The following PLXNA4 variants were observed in gnomAD, a reference collection of about 807,000 sequenced individuals.
PLXNA4 encodes the protein plexin A4, also known as plexin-A4.
In PLXNA4, 44 loss-of-function variants were observed where a neutral mutation model predicts 191.8. The ratio of observed to expected loss-of-function variants is 0.23; its 90% CI spans 0.18 to 0.29. The LOEUF (loss-of-function observed/expected upper bound fraction) is 0.29, where lower values mean the gene tolerates loss of function less well. Ranked by LOEUF, PLXNA4 falls within the 10% of genes least tolerant of loss-of-function variation. PLXNA4 has a pLI of 1.00. For missense variants in PLXNA4, 1,800 were observed against 2,488.8 expected, an observed-to-expected ratio of 0.72 and a Z score of 5.89; for synonymous variants, 1,082 against 1,009.5, an observed-to-expected ratio of 1.07 and a Z score of -1.36.
At chr7:132,317,919 C>T (rs1802009269) in intron 3 of PLXNA4, among the ~76,000 whole-genome samples, 2 of 152,190 alleles carry the variant, frequency 1.3e-5, no homozygotes, top group Admixed American at 1.3e-4. Context: ...AAGAGCCAGG[C>T]AGAGCAAGGG....
intron 3 of PLXNA4, among the ~76,000 whole-genome samples, chr7:132,299,910 C>T (rs1057294030): frequency 1.3e-5 from 2 of 152,086 alleles, no homozygotes; most frequent in Admixed American, 6.5e-5. Context: ...AATGAACTTG[C>T]GGCTCAAAGA....
chr7:132,149,198 C>T (rs531606348), intron 25 of PLXNA4, among the ~76,000 whole-genome samples: 33 of 152,246 alleles, frequency 2.2e-4, no homozygotes, highest in African/African-American at 7.7e-4. Flanking sequence ...CAGCAAAACC[C>T]ATTCTCACGC....
chr7:132,229,271 T>C (rs1798442185), intron 5 of PLXNA4, among the ~76,000 whole-genome samples: 1 of 152,202 alleles, frequency 6.6e-6, no homozygotes, highest in Non-Finnish European at 1.5e-5. Flanking sequence ...CTGTGCTGTG[T>C]AAAGTGTATG....
chr7:132,362,573 A>G (rs1052547299), intron 3 of PLXNA4, among the ~76,000 whole-genome samples: 15 of 152,306 alleles, frequency 9.8e-5, no homozygotes, highest in African/African-American at 3.4e-4. Context: ...AAGAATGACT[A>G]TGGGGTTGAA....
intron 3 of PLXNA4, among the ~76,000 whole-genome samples, chr7:132,407,344 G>A (rs1794263425): frequency 6.6e-6 from 1 of 152,210 alleles, no homozygotes; most frequent in Non-Finnish European, 1.5e-5. Flanking sequence ...TCACAGAGAG[G>A]TGTGTGGCAC....
intron 3 of PLXNA4, among the ~76,000 whole-genome samples, chr7:132,391,593 C>T (rs185649473): frequency 1.3e-5 from 2 of 151,054 alleles, no homozygotes; most frequent in Non-Finnish European, 3.0e-5. Context: ...GAGAAGTGAT[C>T]TTAGGTAAAG....
intron 1 of PLXNA4, among the ~76,000 whole-genome samples, chr7:132,546,878 A>G (rs1295280677): frequency 6.6e-6 from 1 of 152,210 alleles, no homozygotes; most frequent in Non-Finnish European, 1.5e-5. Context: ...AACAAGGCTT[A>G]GGAATCATGG....
At chr7:132,596,716 T>G (rs1455610762) in intron 2 of PLXNA4, among the ~76,000 whole-genome samples, 1 of 151,836 alleles carries the variant, frequency 6.6e-6, no homozygotes, top group African/African-American at 2.4e-5. Context: ...ATTTTAGGGG[T>G]AGGAAGAAGG....
intron 2 of PLXNA4, among the ~76,000 whole-genome samples, chr7:132,622,974 C>T (rs1038165628): frequency 6.6e-6 from 1 of 152,136 alleles, no homozygotes; most frequent in African/African-American, 2.4e-5. Context: ...TTTGTGCAGG[C>T]TATTGTTCCA....
At chr7:132,172,853 A>G (rs1252253746) in intron 21 of PLXNA4, among the ~76,000 whole-genome samples, 1 of 152,204 alleles carries the variant, frequency 6.6e-6, no homozygotes, top group Non-Finnish European at 1.5e-5. Context: ...GAATAACTTT[A>G]TATACTCATC....
chr7:132,509,160 AGAGG>A (rs530262352), intron 1 of PLXNA4, among the ~76,000 whole-genome samples: 4,194 of 124,076 alleles, frequency 0.034, 248 homozygotes, highest in African/African-American at 0.12. Context: ...CTGGAGGAGA[AGAGG>A]GAGGGAGGGA....
At chr7:132,321,596 ATG>A (rs1183848329) in intron 3 of PLXNA4, among the ~76,000 whole-genome samples, 2 of 152,170 alleles carry the variant, frequency 1.3e-5, no homozygotes, top group African/African-American at 4.8e-5. Flanking sequence ...TTGGTGCACC[ATG>A]TGTGTTTGCC....
chr7:132,186,534 T>C (rs1796883426), intron 15 of PLXNA4, among the ~76,000 whole-genome samples: 1 of 152,056 alleles, frequency 6.6e-6, no homozygotes, highest in South Asian at 2.1e-4. Flanking sequence ...TGAGCCCAAA[T>C]CCTCTCCCAA....
At chr7:132,620,999 G>T (rs1233144829) in intron 2 of PLXNA4, among the ~76,000 whole-genome samples, 1 of 152,034 alleles carries the variant, frequency 6.6e-6, no homozygotes, top group Non-Finnish European at 1.5e-5. Flanking sequence ...TCTCTCTCAT[G>T]TCTTTTCTTA....
At chr7:132,201,396 A>T (rs1293064476) in intron 12 of PLXNA4, among the ~76,000 whole-genome samples, 1 of 152,204 alleles carries the variant, frequency 6.6e-6, no homozygotes, top group Admixed American at 6.5e-5. Context: ...TGGTGCAACT[A>T]TTAGGCATCA....
chr7:132,330,037 T>C (rs138791413), intron 3 of PLXNA4, among the ~76,000 whole-genome samples: 9 of 152,262 alleles, frequency 5.9e-5, no homozygotes, highest in Admixed American at 5.9e-4. Flanking sequence ...ATCCAGAAAG[T>C]GCCACGGACA....
chr7:132,503,346 GC>G (rs975550259), intron 2 of PLXNA4, among the ~76,000 whole-genome samples: 5 of 152,194 alleles, frequency 3.3e-5, no homozygotes, highest in African/African-American at 1.2e-4. Context: ...ATTAAGAGGT[GC>G]TAGTTCGTTA....
intron 3 of PLXNA4, among the ~76,000 whole-genome samples, chr7:132,482,591 A>G (rs903399975): frequency 2.6e-5 from 4 of 152,190 alleles, no homozygotes; most frequent in Non-Finnish European, 5.9e-5. Flanking sequence ...GTGTTGTTCA[A>G]AGCCTCTAAG....
intron 1 of PLXNA4, among the ~76,000 whole-genome samples, chr7:132,568,896 C>T (rs1195133140): frequency 6.6e-6 from 1 of 152,220 alleles, no homozygotes; most frequent in African/African-American, 2.4e-5. Context: ...TCTGCTGTTC[C>T]TCTGGCCCTA....
Sources: gnomAD v4.1 joint callset for allele counts (sites outside exome capture counted in the v4.1 genomes callset) on GRCh38, gnomAD v4.1.1 for gene constraint, MANE v1.5 for transcripts, NCBI Gene and HGNC (gene_info 2026-07-23, HGNC 2026-07-21) for gene names.